ATXN10: variants seen among roughly 807,000 people sequenced by gnomAD.
ATXN10 encodes the protein ataxin 10.
Under a neutral mutation model 52.9 loss-of-function variants are expected in ATXN10, and 28 were observed. The ratio of observed to expected loss-of-function variants is 0.53; its 90% CI spans 0.39 to 0.73. The LOEUF is 0.73. ATXN10 is among the 30% of genes least tolerant of loss of function. The pLI is 0.00. For missense variants in ATXN10, 565 were observed against 577.0 expected (o/e 0.98, Z 0.21); for synonymous variants, 226 against 221.5 (o/e 1.02, Z -0.18).
Position 45,708,255 on chromosome 22 carries a change from A to C in ATXN10, c.647+5408A>C, listed in dbSNP as rs1192377623. On this transcript the variant is annotated intron_variant, in intron 5 of 11. Coordinates refer to ENST00000252934, the MANE Select transcript of ATXN10 (RefSeq NM_013236.4). This position sits in a 1 kb window ranked among gnomAD's most constrained non-coding sequence, Gnocchi z 5.3. Reference sequence around the variant, plus strand: ...GGGATTCTATTTTGAGTTCATCTAAATCTGAAAGTCCAGTAAATGTGCACT... The same window carrying C: ...GGGATTCTATTTTGAGTTCATCTAACTCTGAAAGTCCAGTAAATGTGCACT... Among the ~76,000 whole-genome samples the C allele has an allele frequency of 6.6e-6, 1 of 152,232 alleles. No individual in the cohort carries two copies. The highest frequency in any genetic ancestry group is 2.4e-5 in the African/African-American group (1 of 41,464).
chr22:45,693,202 A>G, intron 3 of ATXN10, 124 bp downstream of exon 3: 1 of 796,084 alleles, frequency 1.3e-6, no homozygotes, highest in Non-Finnish European at 2.1e-6. Flanking sequence ...GGAAACTTTA[A>G]TAGTGAATTA....
rs781133315 is a variant in ATXN10 at position 45,690,279 on chromosome 22, GA to G, written c.308+393del. 0.017 allele frequency among the ~76,000 whole-genome samples: 2,171 copies of G among 129,930 alleles called. 17 individuals carry two copies. Among genetic ancestry groups the G allele is most frequent in the East Asian group, 0.033 (152 of 4,594 alleles). The allele number at this position is 129,930 out of a possible 152,430, so 85.2% of individuals were successfully genotyped here. ...CCACATTGTGAGACCCTGTCTCAGG[GA>G]AAAAAAAAAAAAAAAAGTTGTTCTG... On this transcript the variant is annotated intron_variant, in intron 2 of 11. Coordinates refer to ENST00000252934, the MANE Select transcript of ATXN10 (RefSeq NM_013236.4). This position sits in a 1 kb window ranked among gnomAD's most constrained non-coding sequence, Gnocchi z 4.5.
At position 45,732,398 on chromosome 22, in the gene ATXN10, G is replaced by A. The variant is rs1925123856; in HGVS notation, c.894+2808G>A. ...TGCCTAAGCCCAGAAGATTGAGGCT[G>A]CAGTGAGCTGTGATTGCGCTACTGC... On this transcript the variant is annotated intron_variant, in intron 7 of 11. Coordinates refer to ENST00000252934, the MANE Select transcript of ATXN10 (RefSeq NM_013236.4). The surrounding 1 kb of genome is among the most constrained non-coding windows in gnomAD (Gnocchi z 4.5). Among the ~76,000 whole-genome samples the A allele has an allele frequency of 6.6e-6, 1 of 152,130 alleles. No homozygotes were observed.
intron 10 of ATXN10, among the ~76,000 whole-genome samples, chr22:45,831,575 G>A (rs1282726603): frequency 2.6e-5 from 4 of 152,158 alleles, no homozygotes; most frequent in Non-Finnish European, 5.9e-5. Flanking sequence ...GCCAGGCATT[G>A]TGATCTTATT....
chr22:45,697,663 G>A (rs534742546), intron 3 of ATXN10, among the ~76,000 whole-genome samples: 4 of 151,544 alleles, frequency 2.6e-5, no homozygotes, highest in African/African-American at 9.7e-5. Context: ...ACAGAGTCTC[G>A]CTGTCGCCCA....
chr22:45,724,911 G>T (rs1286069498), intron 6 of ATXN10, among the ~76,000 whole-genome samples: 1 of 151,988 alleles, frequency 6.6e-6, no homozygotes, highest in African/African-American at 2.4e-5. Flanking sequence ...TGAATAGGAG[G>T]TTCTTTCCCC....
In ATXN10 at chr22:45,774,645, CA is replaced by C. The variant is rs952575817; in HGVS notation, c.1174-32313del. ...TTTAATGTTTTTTACAAAATAAAGG[CA>C]GGGGGGCTGGACGCGGTGGCTCACG... On this transcript the variant is annotated intron_variant, in intron 9 of 11. Coordinates refer to ENST00000252934, the MANE Select transcript of ATXN10 (RefSeq NM_013236.4). The surrounding 1 kb of genome is among the most constrained non-coding windows in gnomAD (Gnocchi z 6.2). Among the ~76,000 whole-genome samples, 6 of 152,186 alleles carry C rather than the reference CA, an allele frequency of 3.9e-5. No homozygotes were observed. Among genetic ancestry groups the C allele is most frequent in the Admixed American group, 1.3e-4 (2 of 15,284 alleles).
intron 9 of ATXN10, among the ~76,000 whole-genome samples, chr22:45,785,109 G>C (rs747693962): frequency 1.8e-4 from 27 of 152,200 alleles, no homozygotes; most frequent in Non-Finnish European, 3.4e-4. Context: ...CAGCTTTTCA[G>C]AGCTGCTTTG....
Position 45,790,205 on chromosome 22 carries a change from G to C in ATXN10, c.1174-16754G>C, listed in dbSNP as rs533870849. 6.6e-5 allele frequency among the ~76,000 whole-genome samples: 10 copies of C among 152,158 alleles called. No individual in the cohort carries two copies. The highest frequency in any genetic ancestry group is 2.4e-4 in the African/African-American group (10 of 41,496). On this transcript the variant is annotated intron_variant, in intron 9 of 11. Transcript: ENST00000252934. This position sits in a 1 kb window ranked among gnomAD's most constrained non-coding sequence, Gnocchi z 4.7. ...TATTCTGCACAATCCCAGTTAGAGG[G>C]GCTCTTAATGCCTGTATAGGGTCAG...
At chr22:45,764,671 C>A (rs769398394) in intron 9 of ATXN10, among the ~76,000 whole-genome samples, 2 of 152,174 alleles carry the variant, frequency 1.3e-5, no homozygotes, top group South Asian at 4.1e-4. Context: ...AATTTGAACA[C>A]CCAAAGAATT....
chr22:45,738,865 T>A, intron 8 of ATXN10, 26 bp downstream of exon 8: 1 of 1,568,878 alleles, frequency 6.4e-7, no homozygotes. Context: ...CACATTGTAT[T>A]TTTAGCTAAG....
At chr22:45,673,900 A>G (rs971866959) in intron 1 of ATXN10, 1 of 152,222 alleles carries the variant, frequency 6.6e-6, no homozygotes, top group African/African-American at 2.4e-5. Context: ...CAGAAGAGAC[A>G]TTTAGTCAGA....
intron 1 of ATXN10, among the ~76,000 whole-genome samples, chr22:45,689,080 C>T (rs1052132891): frequency 2.0e-5 from 3 of 152,082 alleles, no homozygotes; most frequent in Non-Finnish European, 1.5e-5. Flanking sequence ...ACATTCTCCC[C>T]CTCTCCTTTC....
intron 2 of ATXN10, among the ~76,000 whole-genome samples, chr22:45,691,059 A>T (rs915060558): frequency 2.6e-5 from 4 of 152,224 alleles, no homozygotes; most frequent in African/African-American, 9.6e-5. Flanking sequence ...AGAGAGGGTA[A>T]AAAGTGAGTC....
At chr22:45,707,570 G>GT (rs1224481589) in intron 5 of ATXN10, among the ~76,000 whole-genome samples, 14 of 149,366 alleles carry the variant, frequency 9.4e-5, no homozygotes, top group Admixed American at 2.7e-4. Context: ...ATCATCTGCA[G>GT]TTTTTTTTTA....
At position 45,740,739 on chromosome 22, in the gene ATXN10, CGT is replaced by C. The variant is rs67459281; in HGVS notation, c.1173+216_1173+217del. Reference sequence around the variant, plus strand: ...ACACACATATATATACACACACACACGTGTGTGTGTGTGTGTATATATATATA... The same window carrying C: ...ACACACATATATATACACACACACACGTGTGTGTGTGTGTATATATATATA... On this transcript the variant is annotated intron_variant, in intron 9 of 11. Transcript: ENST00000252934. The C allele has an allele frequency of 4.2e-3, 1,393 of 330,114 alleles. 17 individuals are homozygous for C. Among genetic ancestry groups the C allele is most frequent in the South Asian group, 5.9e-3 (144 of 24,512 alleles). 20.4% of individuals were successfully genotyped at this position (330,114 alleles called of 1,614,324 possible).
At chr22:45,778,346 A>C (rs1243475976) in intron 9 of ATXN10, among the ~76,000 whole-genome samples, 1 of 152,206 alleles carries the variant, frequency 6.6e-6, no homozygotes, top group East Asian at 1.9e-4. Context: ...GCAGTGAACG[A>C]ATACTGGCCT....
In ATXN10 at chr22:45,705,916, A is replaced by G. The variant is rs1390452809; in HGVS notation, c.647+3069A>G. On this transcript the variant is annotated intron_variant, in intron 5 of 11. Transcript: ENST00000252934. This position sits in a 1 kb window ranked among gnomAD's most constrained non-coding sequence, Gnocchi z 5.2. ...CATAGCACAAGATAAGCAGCAGGCAAGCAAGCATTCCTGCCTGAGCGCCAC... is the reference window on the plus strand; with the variant it reads ...CATAGCACAAGATAAGCAGCAGGCAGGCAAGCATTCCTGCCTGAGCGCCAC... Among the ~76,000 whole-genome samples the G allele has an allele frequency of 6.6e-6, 1 of 152,192 alleles. No homozygotes were observed. Among genetic ancestry groups the G allele is most frequent in the African/African-American group, 2.4e-5 (1 of 41,450 alleles).
At position 45,775,331 on chromosome 22, in the gene ATXN10, G is replaced by T. The variant is rs1926913123; in HGVS notation, c.1174-31628G>T. Among the ~76,000 whole-genome samples, 1 of 152,194 alleles carries T rather than the reference G, an allele frequency of 6.6e-6. No homozygotes were observed. The highest frequency in any genetic ancestry group is 1.5e-5 in the Non-Finnish European group (1 of 68,030). On this transcript the variant is annotated intron_variant, in intron 9 of 11. Coordinates refer to ENST00000252934, the MANE Select transcript of ATXN10 (RefSeq NM_013236.4). This position sits in a 1 kb window ranked among gnomAD's most constrained non-coding sequence, Gnocchi z 4.7. Reference sequence around the variant, plus strand: ...CAACATAGGGCCTGTTAGCTGAGGTGCACCCTCTCTTAAGTGGCTTCATGG... The same window carrying T: ...CAACATAGGGCCTGTTAGCTGAGGTTCACCCTCTCTTAAGTGGCTTCATGG...
Sources: allele counts gnomAD v4.1 joint callset (sites outside exome capture counted in the v4.1 genomes callset), GRCh38; gene constraint gnomAD v4.1.1; non-coding constraint Gnocchi (gnomAD v3.1); transcripts MANE v1.5; gene names NCBI Gene and HGNC (gene_info 2026-07-23, HGNC 2026-07-21).